The following MARCHF8 variants were observed in gnomAD, a reference collection of about 807,000 sequenced individuals.
MARCHF8 encodes membrane associated ring-CH-type finger 8, also known as E3 ubiquitin-protein ligase MARCHF8.
Under a neutral mutation model 51.6 loss-of-function variants are expected in MARCHF8, and 40 were observed. That is an observed-to-expected ratio of 0.77 (90% confidence interval 0.60 to 1.01). MARCHF8 has a LOEUF of 1.01. Among genes scored for constraint, MARCHF8 ranks in the 50% least tolerant of loss-of-function variants. MARCHF8 has a pLI of 0.00. For missense variants in MARCHF8, 685 were observed against 708.6 expected (o/e 0.97, Z 0.38); for synonymous variants, 263 against 280.3 (o/e 0.94, Z 0.62).
intron 2 of MARCHF8, among the ~76,000 whole-genome samples, chr10:45,491,187 C>G (rs2043074225): frequency 6.6e-6 from 1 of 152,338 alleles, no homozygotes; most frequent in South Asian, 2.1e-4. Context: ...GTCACCATAC[C>G]TGACCTGTTT....
intron 1 of MARCHF8, among the ~76,000 whole-genome samples, chr10:45,542,979 T>C (rs1236058525): frequency 6.6e-6 from 1 of 152,216 alleles, no homozygotes; most frequent in East Asian, 1.9e-4. Flanking sequence ...CCTACTCTTC[T>C]AGGAAAAGGT....
chr10:45,495,226 G>T (rs529004708), intron 2 of MARCHF8, among the ~76,000 whole-genome samples: 1 of 151,758 alleles, frequency 6.6e-6, no homozygotes, highest in East Asian at 1.9e-4. Flanking sequence ...AACTGACAGC[G>T]TAAAAACTAT....
chr10:45,532,878 T>A (rs1407547895), intron 2 of MARCHF8, among the ~76,000 whole-genome samples: 1 of 152,178 alleles, frequency 6.6e-6, no homozygotes, highest in African/African-American at 2.4e-5. Context: ...ATCAGGTAGA[T>A]TTAACCAATG....
chr10:45,545,018 C>G (rs879629064), intron 1 of MARCHF8, among the ~76,000 whole-genome samples: 1 of 152,146 alleles, frequency 6.6e-6, no homozygotes, highest in Non-Finnish European at 1.5e-5. Context: ...CTGCCTGCAA[C>G]ACTCTTCCTT....
intron 2 of MARCHF8, among the ~76,000 whole-genome samples, chr10:45,494,414 ACT>A (rs2043136468): frequency 1.3e-5 from 2 of 152,106 alleles, no homozygotes; most frequent in South Asian, 2.1e-4. Flanking sequence ...TTTTCCTGAA[ACT>A]CTGACCAGGA....
chr10:45,499,735 T>G (rs1220429299), intron 2 of MARCHF8, among the ~76,000 whole-genome samples: 1 of 152,168 alleles, frequency 6.6e-6, no homozygotes, highest in Non-Finnish European at 1.5e-5. Context: ...TGGGAAATCA[T>G]TTGGCCAAAT....
In MARCHF8 at chr10:45,457,702, G is replaced by C. The variant is rs1842646030; in HGVS notation, c.*537C>G. ...ATCATGCGCCACCACAGAGCACCAT[G>C]GCTCCACCTGCTCAAGAGCATGGAG... On this transcript the variant is annotated 3_prime_UTR_variant, in exon 8 of 8. Coordinates refer to ENST00000453424, the MANE Select transcript of MARCHF8 (RefSeq NM_001282866.2). The C allele has an allele frequency of 1.3e-5, 2 of 153,462 alleles. No individual in the cohort carries two copies. The highest frequency in any genetic ancestry group is 3.3e-3 in the Middle Eastern group (1 of 300). 9.5% of individuals were successfully genotyped at this position (153,462 alleles called of 1,614,324 possible).
chr10:45,499,657 G>T (rs1348518341), intron 2 of MARCHF8, among the ~76,000 whole-genome samples: 2 of 152,104 alleles, frequency 1.3e-5, no homozygotes, highest in African/African-American at 2.4e-5. Context: ...CCAGACCCCT[G>T]CCACCCCCAC....
intron 2 of MARCHF8, among the ~76,000 whole-genome samples, chr10:45,498,252 C>CA (rs1156481948): frequency 6.6e-6 from 1 of 152,146 alleles, no homozygotes; most frequent in Admixed American, 6.5e-5. Context: ...GCACAATCTA[C>CA]AGAACTTTTT....
chr10:45,527,120 A>G (rs1753938130), intron 2 of MARCHF8, among the ~76,000 whole-genome samples: 1 of 152,216 alleles, frequency 6.6e-6, no homozygotes, highest in Non-Finnish European at 1.5e-5. Context: ...AAAAGCTTAT[A>G]GTGTTGACTG....
At chr10:45,473,393 G>C (rs1312174638) in intron 3 of MARCHF8, among the ~76,000 whole-genome samples, 1 of 152,248 alleles carries the variant, frequency 6.6e-6, no homozygotes, top group Non-Finnish European at 1.5e-5. Context: ...AGCCAGGCTG[G>C]CTAGGGGGCT....
upstream of MARCHF8, among the ~76,000 whole-genome samples, chr10:45,538,535 A>T (rs2044006196): frequency 6.6e-6 from 1 of 152,248 alleles, no homozygotes; most frequent in Non-Finnish European, 1.5e-5. Flanking sequence ...TTGGATAAAG[A>T]GTCAAGACCC....
At chr10:45,564,960 A>G (rs1207565728) in intron 1 of MARCHF8, among the ~76,000 whole-genome samples, 1 of 150,642 alleles carries the variant, frequency 6.6e-6, no homozygotes, top group Non-Finnish European at 1.5e-5. Context: ...TCCCCAGCAA[A>G]TAACATATAA....
At chr10:45,554,867 C>T (rs1589173012) in intron 1 of MARCHF8, among the ~76,000 whole-genome samples, 1 of 152,108 alleles carries the variant, frequency 6.6e-6, no homozygotes, top group Non-Finnish European at 1.5e-5. Context: ...CCAGCCTGGC[C>T]GATGTGATAA....
At chr10:45,495,094 T>G (rs1038401455) in intron 2 of MARCHF8, among the ~76,000 whole-genome samples, 1 of 149,006 alleles carries the variant, frequency 6.7e-6, no homozygotes, top group Non-Finnish European at 1.5e-5. Context: ...AACTCCAGCC[T>G]GGGCAACAAA....
At chr10:45,507,215 T>C (rs913424084) in intron 2 of MARCHF8, among the ~76,000 whole-genome samples, 3 of 152,050 alleles carry the variant, frequency 2.0e-5, no homozygotes, top group African/African-American at 4.8e-5. Flanking sequence ...ACGTGTGAGG[T>C]AGTAGGATGG....
intron 1 of MARCHF8, among the ~76,000 whole-genome samples, chr10:45,579,078 T>G (rs946469373): frequency 3.3e-5 from 5 of 152,242 alleles, no homozygotes; most frequent in African/African-American, 1.2e-4. Flanking sequence ...TTGTTAAATT[T>G]CTTGACTGCT....
At chr10:45,555,752 A>G (rs796929875) in intron 1 of MARCHF8, among the ~76,000 whole-genome samples, 13 of 151,940 alleles carry the variant, frequency 8.6e-5, no homozygotes, top group African/African-American at 2.7e-4. Flanking sequence ...TCAAAAAAAA[A>G]AAAAAAGAAA....
chr10:45,565,440 A>T (rs181901073), intron 1 of MARCHF8, among the ~76,000 whole-genome samples: 17 of 152,294 alleles, frequency 1.1e-4, no homozygotes, highest in Admixed American at 9.2e-4. Context: ...TAAAAATAAA[A>T]ATAAATATAA....
Sources: allele counts gnomAD v4.1 joint callset (sites outside exome capture counted in the v4.1 genomes callset), GRCh38; gene constraint gnomAD v4.1.1; transcripts MANE v1.5; gene names NCBI Gene and HGNC (gene_info 2026-07-23, HGNC 2026-07-21).